Variants in KCNQ5 observed in about 807,000 individuals in gnomAD.
KCNQ5 encodes the protein potassium voltage-gated channel subfamily KQT member 5.
In KCNQ5, 30 loss-of-function variants were observed where a neutral mutation model predicts 98.2. The ratio of observed to expected loss-of-function variants is 0.31; its 90% confidence interval spans 0.23 to 0.41. The LOEUF (loss-of-function observed/expected upper bound fraction) is 0.41. Ranked by LOEUF, KCNQ5 falls within the 10% of genes least tolerant of loss-of-function variation. KCNQ5 has a pLI of 1.00. For missense variants in KCNQ5, 835 were observed against 1,182.5 expected, an observed-to-expected ratio of 0.71 and a Z score of 4.31; for synonymous variants, 458 against 449.4, an observed-to-expected ratio of 1.02 and a Z score of -0.24.
At chr6:72,632,162 G>A (rs530648519) in intron 1 of KCNQ5, among the ~76,000 whole-genome samples, 5 of 144,710 alleles carry the variant, frequency 3.5e-5, no homozygotes, top group African/African-American at 1.3e-4. Context: ...TTTTGAGACG[G>A]AGTCTCACTC....
intron 1 of KCNQ5, among the ~76,000 whole-genome samples, chr6:72,794,892 A>C (rs1188903434): frequency 1.3e-5 from 2 of 152,168 alleles, no homozygotes; most frequent in Non-Finnish European, 2.9e-5. Flanking sequence ...AGTTACAGAA[A>C]CCCAAATAAA....
intron 1 of KCNQ5, among the ~76,000 whole-genome samples, chr6:72,918,367 C>G (rs1251063201): frequency 6.6e-6 from 1 of 151,992 alleles, no homozygotes; most frequent in Non-Finnish European, 1.5e-5. Context: ...TCTGGATTGC[C>G]TTGGACTGAT....
intron 3 of KCNQ5, among the ~76,000 whole-genome samples, chr6:73,048,089 G>A (rs776512634): frequency 3.9e-5 from 6 of 152,160 alleles, no homozygotes; most frequent in Non-Finnish European, 8.8e-5. Flanking sequence ...GATAATATTC[G>A]TGTGGACGAA....
chr6:72,868,377 C>A (rs749062676), intron 1 of KCNQ5, among the ~76,000 whole-genome samples: 1 of 152,062 alleles, frequency 6.6e-6, no homozygotes, highest in Non-Finnish European at 1.5e-5. Context: ...AAACTAGTGG[C>A]CTTTTGGGTC....
chr6:72,776,488 G>A (rs1773168267), intron 1 of KCNQ5, among the ~76,000 whole-genome samples: 1 of 151,990 alleles, frequency 6.6e-6, no homozygotes, highest in South Asian at 2.1e-4. Context: ...GAATTTTTTT[G>A]TTAGTAATTA....
At chr6:73,169,963 T>C in intron 11 of KCNQ5, 109 bp downstream of exon 11, 2 of 729,132 alleles carry the variant, frequency 2.7e-6, no homozygotes, top group South Asian at 1.6e-5. Flanking sequence ...ATAACCACTT[T>C]CCCTTTCCTA....
rs186545844 is a variant in KCNQ5, at chr6:73,113,139, A to G, written c.1125+1736A>G. On this transcript the variant is annotated intron_variant, in intron 7 of 13. Coordinates refer to ENST00000370398, the MANE Select transcript of KCNQ5 (RefSeq NM_019842.4). ...CAAAATACCCCAAGGTCCAGAATTC[A>G]TAGGCTTTCATCCTTTAGCACTCCT... 3.9e-5 allele frequency among the ~76,000 whole-genome samples: 6 copies of G among 152,326 alleles called. No individual in the cohort carries two copies. In the East Asian group the frequency reaches 7.7e-4, roughly 20 times the overall value.
chr6:72,675,765 C>T (rs752129990), intron 1 of KCNQ5, among the ~76,000 whole-genome samples: 1 of 152,064 alleles, frequency 6.6e-6, no homozygotes, highest in African/African-American at 2.4e-5. Flanking sequence ...TTAAACTAAG[C>T]CTTAGGGTTT....
chr6:73,156,622 C>CA (rs1562210902), intron 10 of KCNQ5, among the ~76,000 whole-genome samples: 3 of 112,034 alleles, frequency 2.7e-5, no homozygotes, highest in East Asian at 3.0e-4. Flanking sequence ...AGACTCCATT[C>CA]AAAAAAAACG....
chr6:73,174,775 C>T (rs1334834180), intron 11 of KCNQ5, among the ~76,000 whole-genome samples: 3 of 152,156 alleles, frequency 2.0e-5, no homozygotes, highest in African/African-American at 7.2e-5. Flanking sequence ...TGGTATTGAC[C>T]TCATAGGGTT....
intron 1 of KCNQ5, among the ~76,000 whole-genome samples, chr6:72,707,694 A>G (rs1205294208): frequency 6.6e-6 from 1 of 152,200 alleles, no homozygotes; most frequent in Non-Finnish European, 1.5e-5. Context: ...TTATGTGCAC[A>G]TGTTTAACCA....
chr6:72,647,058 A>G (rs1765625640), intron 1 of KCNQ5, among the ~76,000 whole-genome samples: 1 of 152,326 alleles, frequency 6.6e-6, no homozygotes, highest in Middle Eastern at 3.4e-3. Flanking sequence ...TAATAAATAA[A>G]GTTTTATTGA....
At chr6:72,873,190 C>G (rs1205360431) in intron 1 of KCNQ5, among the ~76,000 whole-genome samples, 1 of 152,034 alleles carries the variant, frequency 6.6e-6, no homozygotes, top group East Asian at 1.9e-4. Context: ...ATCACCTCTT[C>G]TCTCTGTTAT....
chr6:73,126,094 C>A (rs1332230416), intron 9 of KCNQ5, among the ~76,000 whole-genome samples: 1 of 152,130 alleles, frequency 6.6e-6, no homozygotes, highest in Non-Finnish European at 1.5e-5. Flanking sequence ...TAAATCATAG[C>A]CATTTTAAGG....
At chr6:73,054,010 A>T (rs959162538) in intron 3 of KCNQ5, among the ~76,000 whole-genome samples, 2 of 152,122 alleles carry the variant, frequency 1.3e-5, no homozygotes, top group Admixed American at 1.3e-4. Flanking sequence ...TGACAAAGGG[A>T]TGTTACCACC....
At chr6:72,952,034 AGAGCAATT>A (rs1001321263) in intron 1 of KCNQ5, among the ~76,000 whole-genome samples, 2 of 152,256 alleles carry the variant, frequency 1.3e-5, no homozygotes, top group African/African-American at 4.8e-5. Flanking sequence ...TCATTACTTA[AGAGCAATT>A]GTGCATTTGG....
chr6:73,076,255 G>A (rs1773537102), intron 3 of KCNQ5, among the ~76,000 whole-genome samples: 1 of 152,220 alleles, frequency 6.6e-6, no homozygotes, highest in South Asian at 2.1e-4. Flanking sequence ...AGTTAATCCA[G>A]AGGATGACAG....
chr6:72,975,858 A>C (rs1207716752), intron 1 of KCNQ5, among the ~76,000 whole-genome samples: 1 of 152,166 alleles, frequency 6.6e-6, no homozygotes, highest in East Asian at 1.9e-4. Context: ...CTCCTCACAC[A>C]ATAAGTGATG....
chr6:72,768,514 T>G (rs1772690238), intron 1 of KCNQ5, among the ~76,000 whole-genome samples: 1 of 152,040 alleles, frequency 6.6e-6, no homozygotes, highest in Admixed American at 6.6e-5. Flanking sequence ...ACTGTTTTAG[T>G]ATAGAAAGAG....
Sources: allele counts gnomAD v4.1 joint callset (sites outside exome capture counted in the v4.1 genomes callset), GRCh38; gene constraint gnomAD v4.1.1; transcripts MANE v1.5; gene names NCBI Gene and HGNC (gene_info 2026-07-23, HGNC 2026-07-21).